PGAP1: variants seen among roughly 807,000 people sequenced by gnomAD.
The protein encoded by PGAP1 is post-GPI attachment to proteins inositol deacylase 1.
In PGAP1, 76 loss-of-function variants were observed where a neutral mutation model predicts 127.0. The ratio of observed to expected loss-of-function variants is 0.60; its 90% CI spans 0.50 to 0.72. PGAP1 has a LOEUF of 0.72. PGAP1 is among the 30% of genes least tolerant of loss of function. PGAP1 has a pLI of 0.00. For missense variants in PGAP1, 982 were observed against 1,071.3 expected (o/e 0.92, Z 1.16); for synonymous variants, 362 against 366.5 (o/e 0.99, Z 0.14).
chr2:196,846,702 A>G (rs1046673537), intron 22 of PGAP1, among the ~76,000 whole-genome samples: 1 of 152,210 alleles, frequency 6.6e-6, no homozygotes, highest in Non-Finnish European at 1.5e-5. Context: ...AAGCAATATT[A>G]TGGGAGAAAC....
intron 10 of PGAP1, 133 bp from the exon 11 acceptor site, chr2:196,886,013 C>CA: frequency 2.2e-6 from 1 of 457,704 alleles, no homozygotes; most frequent in Non-Finnish European, 3.7e-6. Context: ...ACGTAAATAA[C>CA]AGCTTATTGT....
At chr2:196,905,476 G>A (rs1315448444) in intron 4 of PGAP1, among the ~76,000 whole-genome samples, 8 of 152,284 alleles carry the variant, frequency 5.3e-5, no homozygotes, top group South Asian at 2.1e-4. Context: ...ATACTTAAGA[G>A]CAAATAAATT....
chr2:196,875,972 G>A (rs180945386), intron 13 of PGAP1, 151 bp from the exon 14 acceptor site: 4 of 514,526 alleles, frequency 7.8e-6, no homozygotes, highest in East Asian at 3.2e-5. Context: ...CTATACTTAA[G>A]TGGCAAGAAT....
In PGAP1 at chr2:196,839,580, C is replaced by T. The variant is rs537233381; in HGVS notation, c.*1654G>A. 6.6e-6 allele frequency: 1 copy of T among 152,304 alleles called. No individual in the cohort carries two copies. Among genetic ancestry groups the T allele is most frequent in the South Asian group, 2.1e-4 (1 of 4,826 alleles). The allele number at this position is 152,304 out of a possible 1,614,324, so 9.4% of individuals were successfully genotyped here. ...AAGTTAAAATATGAATACTGAAAAACATGCTCAAAGCTAGAAAAGACAACA... is the reference window on the plus strand; with the variant it reads ...AAGTTAAAATATGAATACTGAAAAATATGCTCAAAGCTAGAAAAGACAACA... On this transcript the variant is annotated 3_prime_UTR_variant, in exon 27 of 27. Transcript: ENST00000354764.
In PGAP1 at chr2:196,839,027, C is replaced by A; in HGVS notation, c.*2207G>T. On this transcript the variant is annotated 3_prime_UTR_variant, in exon 27 of 27. Transcript: ENST00000354764. ...CCACTGCACTCCAGCCTGGTGACAG[C>A]GTGAGACTCCATCTCAAAAACAAAC... 1 of 153,040 alleles carries A rather than the reference C, an allele frequency of 6.5e-6. No individual in the cohort carries two copies. 9.5% of individuals were successfully genotyped at this position (153,040 alleles called of 1,614,324 possible).
chr2:196,862,529 G>C (rs941065136), intron 20 of PGAP1, among the ~76,000 whole-genome samples: 6 of 152,072 alleles, frequency 3.9e-5, no homozygotes, highest in Middle Eastern at 6.8e-3. Flanking sequence ...CACCCTATTC[G>C]TACACTCCCT....
chr2:196,842,129 G>T (rs1700431714), intron 26 of PGAP1, among the ~76,000 whole-genome samples: 1 of 150,352 alleles, frequency 6.7e-6, no homozygotes, highest in Non-Finnish European at 1.5e-5. Flanking sequence ...TATCAGAAAA[G>T]ACAATTACCT....
intron 4 of PGAP1, among the ~76,000 whole-genome samples, chr2:196,912,470 C>T (rs1158295838): frequency 6.7e-6 from 1 of 149,936 alleles, no homozygotes; most frequent in Non-Finnish European, 1.5e-5. Context: ...ATCCCAGATA[C>T]TTGGAAGGCT....
chr2:196,873,652 C>T, intron 15 of PGAP1, 33 bp downstream of exon 15: 3 of 1,596,690 alleles, frequency 1.9e-6, no homozygotes. Context: ...AAAGTAAAAT[C>T]AAATCCTTTT....
intron 4 of PGAP1, among the ~76,000 whole-genome samples, chr2:196,902,974 TA>T (rs1281942948): frequency 7.3e-5 from 11 of 150,634 alleles, no homozygotes; most frequent in African/African-American, 1.5e-4. Flanking sequence ...AGGTATCAAT[TA>T]AAAAAAAACA....
Position 196,833,416 on chromosome 2 carries a change from T to G in PGAP1, c.*7818A>C, listed in dbSNP as rs1700148735. On this transcript the variant is annotated 3_prime_UTR_variant, in exon 27 of 27. Transcript: ENST00000354764. ...CTGCACTTGTTAAGTGTTGTTGTTA[T>G]GCACTGTACTTTCTGGATGGATGAG... 6.6e-6 allele frequency: 1 copy of G among 152,218 alleles called. No homozygotes were observed. Among genetic ancestry groups the G allele is most frequent in the Non-Finnish European group, 1.5e-5 (1 of 68,036 alleles). 9.4% of individuals were successfully genotyped at this position (152,218 alleles called of 1,614,324 possible).
At chr2:196,918,440 A>G (rs1703083566) in intron 2 of PGAP1, among the ~76,000 whole-genome samples, 1 of 152,172 alleles carries the variant, frequency 6.6e-6, no homozygotes, top group Non-Finnish European at 1.5e-5. Flanking sequence ...TATTCTGTCC[A>G]AAGACAGAAT....
At position 196,843,911 on chromosome 2, in the gene PGAP1, T is replaced by C; in HGVS notation, c.2502A>G (p.Leu834=). The C allele has an allele frequency of 6.6e-7, 1 of 1,526,170 alleles. No homozygotes were observed. The highest frequency in any genetic ancestry group is 8.9e-7 in the Non-Finnish European group (1 of 1,128,602). The allele number at this position is 1,526,170 out of a possible 1,614,324, so 94.5% of individuals were successfully genotyped here. The change falls in exon 25 of 27, where the codon CTA becomes CTG. Residue 834 remains leucine, a synonymous_variant. Coordinates refer to ENST00000354764, the MANE Select transcript of PGAP1 (RefSeq NM_024989.4). ...ACCTAAGATTCTTTAGCCAATAAAT[T>C]AGAGAAGGCATGCTGAGTAATACAA... ...TWIVLLSMPS[L]IYWLKNLRYY...
At chr2:196,846,926 A>G in intron 22 of PGAP1, 77 bp downstream of exon 22, 1 of 1,223,420 alleles carries the variant, frequency 8.2e-7, no homozygotes, top group Non-Finnish European at 1.1e-6. Context: ...AGTAAAAATA[A>G]TTAATTTCAG....
At chr2:196,843,863 C>A (rs746569690) in intron 25 of PGAP1, 25 bp downstream of exon 25, 2 of 1,392,022 alleles carry the variant, frequency 1.4e-6, no homozygotes, top group Non-Finnish European at 1.9e-6. Flanking sequence ...ACCACATAAA[C>A]AATAATTATA....
intron 10 of PGAP1, 96 bp from the exon 11 acceptor site, chr2:196,885,976 G>T: frequency 2.8e-6 from 2 of 705,172 alleles, no homozygotes; most frequent in South Asian, 1.3e-4. Context: ...ATTGTTATAT[G>T]ATATAGGGTG....
chr2:196,862,221 G>T (rs367937281), intron 20 of PGAP1, among the ~76,000 whole-genome samples: 4 of 151,970 alleles, frequency 2.6e-5, no homozygotes, highest in East Asian at 1.9e-4. Context: ...CTATAGACGG[G>T]CTCCCTGGGT....
chr2:196,839,428 C>T lies in PGAP1; in HGVS notation c.*1806G>A, dbSNP rs987467023. On this transcript the variant is annotated 3_prime_UTR_variant, in exon 27 of 27. Coordinates refer to ENST00000354764, the MANE Select transcript of PGAP1 (RefSeq NM_024989.4). ...GTATATAATCTAATAAATTCTCTCT[C>T]TTTCCTCTCCAGCTGAAACATATAG... 6.6e-6 allele frequency: 1 copy of T among 152,212 alleles called. No homozygotes were observed. The highest frequency in any genetic ancestry group is 2.4e-5 in the African/African-American group (1 of 41,442). 9.4% of individuals were successfully genotyped at this position (152,212 alleles called of 1,614,324 possible).
At chr2:196,915,854 G>A (rs1012555345) in intron 3 of PGAP1, among the ~76,000 whole-genome samples, 27 of 152,170 alleles carry the variant, frequency 1.8e-4, no homozygotes, top group Admixed American at 5.9e-4. Context: ...ATACCATGTC[G>A]CATTTAGCTG....
Sources: allele counts gnomAD v4.1 joint callset (sites outside exome capture counted in the v4.1 genomes callset), GRCh38; gene constraint gnomAD v4.1.1; transcripts MANE v1.5; gene names NCBI Gene and HGNC (gene_info 2026-07-23, HGNC 2026-07-21).